Variants in SORCS1 observed in about 807,000 individuals in gnomAD.
The protein encoded by SORCS1 is VPS10 domain-containing receptor SorCS1.
A neutral mutation model predicts 146.1 loss-of-function variants in SORCS1; 60 were observed. The ratio of observed to expected loss-of-function variants is 0.41; its 90% CI spans 0.33 to 0.51. The LOEUF (loss-of-function observed/expected upper bound fraction) is 0.51. SORCS1 is among the 20% of genes least tolerant of loss of function. The probability of loss-of-function intolerance (pLI) is 0.21; values close to 1 mark genes in which losing one functional copy is unlikely to be tolerated. For synonymous variants in SORCS1, 637 were observed against 584.0 expected (o/e 1.09, Z -1.31); for missense variants, 1,352 against 1,487.6 (o/e 0.91, Z 1.50).
At chr10:106,784,451 T>C (rs1258441232) in intron 3 of SORCS1, among the ~76,000 whole-genome samples, 1 of 151,796 alleles carries the variant, frequency 6.6e-6, no homozygotes, top group African/African-American at 2.4e-5. Context: ...ATGTACACAT[T>C]CAAAGAATGT....
Position 107,164,227 on chromosome 10 carries a change from C to A in SORCS1, c.300G>T (p.Ala100=), listed in dbSNP as rs1376709040. ...ERARGTGASM[A]VAARSGRRRR... ...TCCTCCGGCCGGAGCGTGCAGCAACCGCCATGGATGCCCCAGTGCCCCGAG... is the reference window on the plus strand; with the variant it reads ...TCCTCCGGCCGGAGCGTGCAGCAACAGCCATGGATGCCCCAGTGCCCCGAG... The change falls in exon 1 of 26, where the codon GCG becomes GCT. Residue 100 remains alanine, a synonymous_variant. Transcript: ENST00000263054. This position sits in a 1 kb window ranked among gnomAD's most constrained non-coding sequence, Gnocchi z 6.8. 9 of 1,608,168 alleles carry A rather than the reference C, an allele frequency of 5.6e-6. No homozygotes were observed. The highest frequency in any genetic ancestry group is 1.3e-5 in the African/African-American group (1 of 74,926).
intron 2 of SORCS1, among the ~76,000 whole-genome samples, chr10:106,872,845 T>G (rs763032400): frequency 6.6e-6 from 1 of 152,016 alleles, no homozygotes; most frequent in Non-Finnish European, 1.5e-5. Context: ...AAGAAAATAA[T>G]GGAAAGTAAA....
intron 6 of SORCS1, among the ~76,000 whole-genome samples, chr10:106,718,569 C>G (rs1423949794): frequency 6.6e-6 from 1 of 152,238 alleles, no homozygotes; most frequent in Middle Eastern, 3.2e-3. Flanking sequence ...GAGTGAGCAG[C>G]AGCAAGATTT....
intron 6 of SORCS1, among the ~76,000 whole-genome samples, chr10:106,717,904 C>T (rs1855493817): frequency 6.6e-6 from 1 of 152,208 alleles, no homozygotes; most frequent in South Asian, 2.1e-4. Flanking sequence ...GAAACTTTTC[C>T]TGTGACTCTG....
At chr10:107,007,452 C>T (rs1054069886) in intron 1 of SORCS1, among the ~76,000 whole-genome samples, 3 of 152,178 alleles carry the variant, frequency 2.0e-5, no homozygotes, top group Non-Finnish European at 4.4e-5. Context: ...TGTCCCCTGG[C>T]TGAGTTTCCA....
intron 3 of SORCS1, among the ~76,000 whole-genome samples, chr10:106,823,226 TTGA>T (rs1948142525): frequency 6.6e-6 from 1 of 152,138 alleles, no homozygotes; most frequent in African/African-American, 2.4e-5. Context: ...TGCACCCCCT[TTGA>T]TGTATTATAC....
At chr10:107,037,401 C>T (rs1451114740) in intron 1 of SORCS1, among the ~76,000 whole-genome samples, 1 of 152,190 alleles carries the variant, frequency 6.6e-6, no homozygotes, top group Non-Finnish European at 1.5e-5. Flanking sequence ...AGCAGTAGGC[C>T]AATGTACTCA....
At chr10:106,715,618 C>A (rs1277026492) in intron 6 of SORCS1, among the ~76,000 whole-genome samples, 1 of 152,176 alleles carries the variant, frequency 6.6e-6, no homozygotes, top group African/African-American at 2.4e-5. Context: ...TTGAGTCTAG[C>A]GCCAGATTAG....
At chr10:106,989,320 A>G (rs1405216759) in intron 1 of SORCS1, among the ~76,000 whole-genome samples, 1 of 150,638 alleles carries the variant, frequency 6.6e-6, no homozygotes, top group Non-Finnish European at 1.5e-5. Context: ...GCCTTTCCTA[A>G]AATTTCCTTC....
intron 6 of SORCS1, among the ~76,000 whole-genome samples, chr10:106,715,949 C>T (rs1171961931): frequency 2.6e-5 from 4 of 152,116 alleles, no homozygotes; most frequent in African/African-American, 9.6e-5. Context: ...GACAGGGTTT[C>T]ACCATGTCGG....
At chr10:107,044,512 TAAAAA>T (rs59253149) in intron 1 of SORCS1, among the ~76,000 whole-genome samples, 1 of 74,060 alleles carries the variant, frequency 1.4e-5, no homozygotes, top group East Asian at 3.9e-4. Context: ...TTCTAATTTG[TAAAAA>T]AAAAAAAAAA....
At chr10:107,146,127 A>G (rs908606118) in intron 1 of SORCS1, among the ~76,000 whole-genome samples, 1 of 152,234 alleles carries the variant, frequency 6.6e-6, no homozygotes, top group African/African-American at 2.4e-5. Context: ...AGTTTCAGGT[A>G]TAAGTATAGC....
chr10:106,810,287 T>C (rs1947392619), intron 3 of SORCS1, among the ~76,000 whole-genome samples: 2 of 152,236 alleles, frequency 1.3e-5, no homozygotes, highest in Non-Finnish European at 2.9e-5. Flanking sequence ...GCCTTAAAGC[T>C]ACATCAGTCC....
intron 1 of SORCS1, among the ~76,000 whole-genome samples, chr10:107,101,700 A>G (rs1964934702): frequency 6.6e-6 from 1 of 151,718 alleles, no homozygotes; most frequent in African/African-American, 2.4e-5. Context: ...CTGAAATTTA[A>G]GTATGTCAAG....
At position 106,983,027 on chromosome 10, in the gene SORCS1, A is replaced by G. The variant is rs190340072; in HGVS notation, c.559-26447T>C. Among the ~76,000 whole-genome samples, 224 of 151,816 alleles carry G rather than the reference A, an allele frequency of 1.5e-3. 2 individuals are homozygous for G. The highest frequency in any genetic ancestry group is 5.2e-3 in the African/African-American group (214 of 41,478). On this transcript the variant is annotated intron_variant, in intron 1 of 25. Coordinates refer to ENST00000263054, the MANE Select transcript of SORCS1 (RefSeq NM_052918.5). Reference sequence around the variant, plus strand: ...ATGATATACCAAAGGTGCTTAAAAAAAAAGACATGCAAATGAGTGATTTTT... The same window carrying G: ...ATGATATACCAAAGGTGCTTAAAAAGAAAGACATGCAAATGAGTGATTTTT...
intron 19 of SORCS1, among the ~76,000 whole-genome samples, chr10:106,628,099 G>A (rs764596900): frequency 6.6e-6 from 1 of 152,210 alleles, no homozygotes; most frequent in Non-Finnish European, 1.5e-5. Flanking sequence ...GGCATACTGA[G>A]AATCATGTGT....
chr10:107,021,424 G>A (rs1044938110), intron 1 of SORCS1, among the ~76,000 whole-genome samples: 12 of 141,212 alleles, frequency 8.5e-5, no homozygotes, highest in Admixed American at 3.9e-4. Flanking sequence ...TGAGGCAGGA[G>A]AATGGCGTGA....
chr10:106,653,968 T>G (rs1850081265), intron 17 of SORCS1, among the ~76,000 whole-genome samples: 1 of 152,232 alleles, frequency 6.6e-6, no homozygotes, highest in Non-Finnish European at 1.5e-5. Context: ...CTAATTTTAT[T>G]CTGCTTTCCT....
chr10:107,058,635 C>T (rs1960878547), intron 1 of SORCS1, among the ~76,000 whole-genome samples: 1 of 152,150 alleles, frequency 6.6e-6, no homozygotes, highest in Admixed American at 6.5e-5. Context: ...AGTTACTCAC[C>T]ACTTTTATGC....
Sources: allele counts gnomAD v4.1 joint callset (sites outside exome capture counted in the v4.1 genomes callset), GRCh38; gene constraint gnomAD v4.1.1; non-coding constraint Gnocchi (gnomAD v3.1); transcripts MANE v1.5; gene names NCBI Gene and HGNC (gene_info 2026-07-23, HGNC 2026-07-21).